Variants in COMMD10 observed in about 807,000 individuals in gnomAD.
The protein encoded by COMMD10 is COMM domain containing 10.
COMMD10 carries 33 observed loss-of-function variants against 28.9 expected under a neutral mutation model. That is an observed-to-expected ratio of 1.14 (90% CI 0.87 to 1.53). The LOEUF is 1.53. Among genes scored for constraint, COMMD10 ranks in the 40% most tolerant of loss-of-function variants. COMMD10 has a pLI of 0.00. For missense variants in COMMD10, 310 were observed against 233.4 expected (o/e 1.33, Z -2.14); for synonymous variants, 110 against 81.7 (o/e 1.35, Z -1.87).
intron 4 of COMMD10, among the ~76,000 whole-genome samples, chr5:116,113,417 T>G (rs751846090): frequency 6.6e-6 from 1 of 150,840 alleles, no homozygotes; most frequent in Non-Finnish European, 1.5e-5. Flanking sequence ...TTTCTGTCCC[T>G]TTGGGAATAC....
At chr5:116,196,941 C>G (rs546259351) in intron 5 of COMMD10, among the ~76,000 whole-genome samples, 3 of 152,060 alleles carry the variant, frequency 2.0e-5, no homozygotes, top group Non-Finnish European at 4.4e-5. Context: ...AGGAGCATTT[C>G]TGTCGATGTA....
At chr5:116,109,002 C>T (rs535412500) in intron 4 of COMMD10, among the ~76,000 whole-genome samples, 1 of 152,158 alleles carries the variant, frequency 6.6e-6, no homozygotes, top group African/African-American at 2.4e-5. Flanking sequence ...CACCCTGCTT[C>T]TGCTCACCAT....
intron 4 of COMMD10, among the ~76,000 whole-genome samples, chr5:116,116,154 A>G (rs756749994): frequency 2.4e-4 from 37 of 152,310 alleles, no homozygotes; most frequent in Non-Finnish European, 4.3e-4. Context: ...GTCCTAAGAT[A>G]ATAATGTTCC....
intron 5 of COMMD10, among the ~76,000 whole-genome samples, chr5:116,148,830 G>A (rs1752422396): frequency 1.3e-5 from 2 of 151,272 alleles, no homozygotes; most frequent in South Asian, 4.2e-4. Context: ...TATGGGATTT[G>A]TATTTGTTTT....
intron 5 of COMMD10, among the ~76,000 whole-genome samples, chr5:116,241,582 T>A (rs1218805304): frequency 9.0e-6 from 1 of 110,864 alleles, no homozygotes; most frequent in African/African-American, 3.4e-5. Context: ...CACTCTGCTT[T>A]CTTATTTATT....
intron 5 of COMMD10, among the ~76,000 whole-genome samples, chr5:116,249,138 T>G (rs1301203850): frequency 6.6e-6 from 1 of 152,020 alleles, no homozygotes; most frequent in Non-Finnish European, 1.5e-5. Flanking sequence ...TCATAAATTC[T>G]TATTACCTTG....
chr5:116,293,052 C>A lies in COMMD10; in HGVS notation c.*563C>A. On this transcript the variant is annotated 3_prime_UTR_variant, in exon 7 of 7. Transcript: ENST00000274458. ...TTAATTCCAGTCTGAGCTTCTCTGTCAACTTCAGTTTCTCTCTCAGTTTAA... is the reference window on the plus strand; with the variant it reads ...TTAATTCCAGTCTGAGCTTCTCTGTAAACTTCAGTTTCTCTCTCAGTTTAA... The A allele has an allele frequency of 2.5e-6, 1 of 397,214 alleles. No individual in the cohort carries two copies. Among genetic ancestry groups the A allele is most frequent in the South Asian group, 1.3e-4 (1 of 7,842 alleles). 24.6% of individuals were successfully genotyped at this position (397,214 alleles called of 1,614,324 possible).
chr5:116,233,339 A>G (rs1310746851), intron 5 of COMMD10, among the ~76,000 whole-genome samples: 4 of 152,128 alleles, frequency 2.6e-5, no homozygotes, highest in African/African-American at 7.2e-5. Context: ...ATAGGTATGC[A>G]TAATAGGAAA....
intron 2 of COMMD10, among the ~76,000 whole-genome samples, chr5:116,089,383 T>C (rs964862329): frequency 3.3e-5 from 5 of 152,208 alleles, no homozygotes; most frequent in Non-Finnish European, 7.4e-5. Flanking sequence ...GGAAAGAGTA[T>C]GGAACATTTC....
chr5:116,135,105 A>T (rs548136098), intron 5 of COMMD10, among the ~76,000 whole-genome samples: 1 of 152,240 alleles, frequency 6.6e-6, no homozygotes, highest in African/African-American at 2.4e-5. Flanking sequence ...ATTATCTTTT[A>T]AGGTAGAAAA....
intron 5 of COMMD10, among the ~76,000 whole-genome samples, chr5:116,231,077 C>A (rs1417875077): frequency 1.3e-5 from 2 of 152,080 alleles, no homozygotes; most frequent in Non-Finnish European, 2.9e-5. Context: ...AGTTTACTGC[C>A]TATCACTCCA....
At chr5:116,157,792 A>G (rs1436787971) in intron 5 of COMMD10, among the ~76,000 whole-genome samples, 1 of 152,184 alleles carries the variant, frequency 6.6e-6, no homozygotes, top group Non-Finnish European at 1.5e-5. Context: ...TTATACTCCC[A>G]CCAGCAGTGT....
intron 5 of COMMD10, among the ~76,000 whole-genome samples, chr5:116,168,398 A>C (rs1379677066): frequency 6.6e-6 from 1 of 152,146 alleles, no homozygotes; most frequent in African/African-American, 2.4e-5. Flanking sequence ...GGAGACTTTA[A>C]CACCACACTT....
Position 116,238,203 on chromosome 5 carries a change from A to G in COMMD10, c.511-53314A>G, listed in dbSNP as rs189617076. Reference sequence around the variant, plus strand: ...AGATATTTCTTAAAATACCATTTTCAGAATTATTTGTAGCCACTATAATAA... The same window carrying G: ...AGATATTTCTTAAAATACCATTTTCGGAATTATTTGTAGCCACTATAATAA... On this transcript the variant is annotated intron_variant, in intron 5 of 6. Coordinates refer to ENST00000274458, the MANE Select transcript of COMMD10 (RefSeq NM_016144.4). Among the ~76,000 whole-genome samples the G allele has an allele frequency of 3.0e-4, 46 of 152,338 alleles. 1 individual carries two copies. The East Asian group carries it at 6.2e-3, about 20-fold the overall frequency.
At chr5:116,147,460 T>G (rs568459177) in intron 5 of COMMD10, among the ~76,000 whole-genome samples, 4 of 152,058 alleles carry the variant, frequency 2.6e-5, no homozygotes, top group Admixed American at 2.6e-4. Context: ...GTATAATCAA[T>G]GAATAGCAAA....
Position 116,223,395 on chromosome 5 carries a change from T to G in COMMD10, c.511-68122T>G, listed in dbSNP as rs561382247. On this transcript the variant is annotated intron_variant, in intron 5 of 6. Transcript: ENST00000274458. ...AGTAAGGATATGGCTATCTATATTT[T>G]ATTTTAATGTTTATTTAACAAATAT... Among the ~76,000 whole-genome samples, 6 of 152,288 alleles carry G rather than the reference T, an allele frequency of 3.9e-5. No individual in the cohort carries two copies. The South Asian group carries it at 1.2e-3, about 32-fold the overall frequency.
chr5:116,097,433 A>C (rs938875473), intron 4 of COMMD10, among the ~76,000 whole-genome samples: 1 of 152,216 alleles, frequency 6.6e-6, no homozygotes, highest in Admixed American at 6.5e-5. Context: ...AGGTTTAAAA[A>C]GTTGCCCATG....
chr5:116,185,720 G>A (rs996563068), intron 5 of COMMD10, among the ~76,000 whole-genome samples: 1 of 152,136 alleles, frequency 6.6e-6, no homozygotes, highest in Non-Finnish European at 1.5e-5. Context: ...AAAGAGCTAT[G>A]TTTTGAGCCT....
intron 5 of COMMD10, among the ~76,000 whole-genome samples, chr5:116,223,720 C>T (rs1426060454): frequency 1.3e-5 from 2 of 151,936 alleles, no homozygotes; most frequent in Non-Finnish European, 2.9e-5. Flanking sequence ...AACTCTGAAG[C>T]GACTATAATG....
Sources: gnomAD v4.1 joint callset for allele counts (sites outside exome capture counted in the v4.1 genomes callset) on GRCh38, gnomAD v4.1.1 for gene constraint, MANE v1.5 for transcripts, NCBI Gene and HGNC (gene_info 2026-07-23, HGNC 2026-07-21) for gene names.